The following AMELY variants were observed in gnomAD, a reference collection of about 807,000 sequenced individuals.
The protein encoded by AMELY is amelogenin Y-linked.
AMELY carries 4 observed loss-of-function variants against 4.2 expected under a neutral mutation model. That is an observed-to-expected ratio of 0.96 (90% CI 0.47 to 2.19). The LOEUF is 2.19. Ranked by LOEUF, AMELY falls within the 30% of genes most tolerant of loss-of-function variation. The pLI is 0.02. For missense variants in AMELY, 32 were observed against 41.5 expected (o/e 0.77, Z 0.63); for synonymous variants, 11 against 14.7 (o/e 0.75, Z 0.57).
chrY:6,892,499 G>T, intron 1 of AMELY, among the ~76,000 whole-genome samples: 5 of 33,284 alleles, frequency 1.5e-4, no homozygotes, highest in African/African-American at 2.4e-4. Context: ...GGTGTATGGT[G>T]TGCACTCAGG....
rs751203489 is a variant in AMELY, at chrY:6,903,895, T to C, written c.-113+7778A>G. 3.0e-4 allele frequency among the ~76,000 whole-genome samples: 10 copies of C among 33,801 alleles called. No individual in the cohort carries two copies. In the South Asian group the frequency reaches 5.5e-3, roughly 19 times the overall value. The allele number at this position is 33,801 out of a possible 37,273, so 90.7% of individuals were successfully genotyped here. On this transcript the variant is annotated intron_variant, in intron 1 of 6. Transcript: ENST00000651267. ...AATATAATCCAACTCCTACCAGTAG[T>C]TGGCTGATCACCTTGAGAAAGGAAT...
In AMELY at chrY:6,865,946, A is replaced by G; in HGVS notation, c.*127T>C. ...TTTTTAAAACATTTTATTGTCTACT[A>G]TTGGTACATTTTTAGTTACAGAATT... is the stretch of plus-strand genomic sequence containing the variant. On this transcript the variant is annotated 3_prime_UTR_variant, in exon 7 of 7. Coordinates refer to ENST00000651267, the MANE Select transcript of AMELY (RefSeq NM_001143.2). 1 of 106,587 alleles carries G rather than the reference A, an allele frequency of 9.4e-6. No homozygotes were observed. The highest frequency in any genetic ancestry group is 9.1e-5 in the African/African-American group (1 of 11,002). 26.6% of individuals were successfully genotyped at this position (106,587 alleles called of 400,897 possible).
intron 1 of AMELY, among the ~76,000 whole-genome samples, chrY:6,892,441 G>A: frequency 6.1e-5 from 2 of 32,787 alleles, no homozygotes; most frequent in Non-Finnish European, 1.5e-4. Flanking sequence ...CTAAGGAGCC[G>A]TTTCAAGATC....
intron 1 of AMELY, among the ~76,000 whole-genome samples, chrY:6,907,115 C>T: frequency 3.0e-5 from 1 of 32,834 alleles, no homozygotes; most frequent in Non-Finnish European, 7.4e-5. Flanking sequence ...TGTAACACTA[C>T]CAGTTTGGGA....
intron 5 of AMELY, 128 bp from the exon 6 acceptor site, chrY:6,868,590 A>T: frequency 6.2e-6 from 2 of 320,805 alleles, no homozygotes; most frequent in Non-Finnish European, 4.6e-6. Flanking sequence ...AAAATTTGTA[A>T]CTGTGTACAC....
chrY:6,885,344 GGA>G (rs2054079010), intron 1 of AMELY, among the ~76,000 whole-genome samples: 2 of 33,699 alleles, frequency 5.9e-5, no homozygotes, highest in African/African-American at 2.3e-4. Flanking sequence ...GCGTGGTGGT[GGA>G]CACCTGTAGT....
At chrY:6,886,387 G>C (rs1014702503) in intron 1 of AMELY, among the ~76,000 whole-genome samples, 1 of 33,897 alleles carries the variant, frequency 3.0e-5, no homozygotes, top group Non-Finnish European at 7.3e-5. Context: ...AAGGGAAATA[G>C]GATAGCTGGG....
chrY:6,883,544 C>G, intron 1 of AMELY, among the ~76,000 whole-genome samples: 1 of 32,130 alleles, frequency 3.1e-5, no homozygotes, highest in Non-Finnish European at 7.6e-5. Context: ...ACCTGTGTAG[C>G]AAATCTGCAC....
intron 3 of AMELY, among the ~76,000 whole-genome samples, chrY:6,871,787 G>A (rs2054067852): frequency 9.6e-5 from 3 of 31,151 alleles, no homozygotes; most frequent in Admixed American, 6.1e-4. Flanking sequence ...GTGAAACACC[G>A]TCTCTACTAA....
chrY:6,868,905 G>C, intron 4 of AMELY, 129 bp from the exon 5 acceptor site: 1 of 239,063 alleles, frequency 4.2e-6, no homozygotes, highest in Non-Finnish European at 7.2e-6. Flanking sequence ...CTGAGAATGT[G>C]AGTTCTACAA....
chrY:6,882,127 G>T (rs2054075326), intron 1 of AMELY, among the ~76,000 whole-genome samples: 1 of 32,603 alleles, frequency 3.1e-5, no homozygotes, highest in African/African-American at 1.2e-4. Context: ...ACTGTGCATA[G>T]CTAAGACAAT....
chrY:6,895,387 C>G, intron 1 of AMELY, among the ~76,000 whole-genome samples: 1 of 33,327 alleles, frequency 3.0e-5, no homozygotes, highest in African/African-American at 1.2e-4. Context: ...GGACTCCTTA[C>G]CCACCCCCTT....
chrY:6,868,928 G>A, intron 4 of AMELY, 152 bp from the exon 5 acceptor site: 1 of 231,046 alleles, frequency 4.3e-6, no homozygotes, highest in Non-Finnish European at 7.6e-6. Flanking sequence ...GAAAGAAGAA[G>A]GTAAAACATT....
At chrY:6,903,532 C>T in intron 1 of AMELY, among the ~76,000 whole-genome samples, 1 of 32,745 alleles carries the variant, frequency 3.1e-5, no homozygotes, top group Non-Finnish European at 7.5e-5. Flanking sequence ...AGAACTTTGC[C>T]CCAGGCCTGC....
chrY:6,882,007 G>A (rs2054075258), intron 1 of AMELY, among the ~76,000 whole-genome samples: 2 of 32,914 alleles, frequency 6.1e-5, no homozygotes, highest in Non-Finnish European at 1.5e-4. Flanking sequence ...TTGCCATACT[G>A]CCCAAAGTAA....
chrY:6,873,058 T>A, intron 2 of AMELY, among the ~76,000 whole-genome samples: 1 of 33,055 alleles, frequency 3.0e-5, no homozygotes, highest in South Asian at 6.9e-4. Flanking sequence ...GAGAAATATT[T>A]CTTATATTAT....
intron 1 of AMELY, among the ~76,000 whole-genome samples, chrY:6,892,718 TC>T (rs2054084009): frequency 3.0e-5 from 1 of 33,805 alleles, no homozygotes; most frequent in Non-Finnish European, 7.3e-5. Flanking sequence ...AATGAAATCA[TC>T]CCTCGATATA....
At chrY:6,880,761 G>A in intron 1 of AMELY, among the ~76,000 whole-genome samples, 1 of 32,956 alleles carries the variant, frequency 3.0e-5, no homozygotes, top group East Asian at 7.9e-4. Flanking sequence ...TCTTGGGAGG[G>A]TGTATGTGTC....
chrY:6,879,304 T>C, intron 1 of AMELY, among the ~76,000 whole-genome samples: 1 of 33,951 alleles, frequency 2.9e-5, no homozygotes, highest in Non-Finnish European at 7.3e-5. Context: ...TTTTCATGTG[T>C]CTTTTGGCTG....
Sources: allele counts gnomAD v4.1 joint callset (sites outside exome capture counted in the v4.1 genomes callset), GRCh38; gene constraint gnomAD v4.1.1; transcripts MANE v1.5; gene names NCBI Gene and HGNC (gene_info 2026-07-23, HGNC 2026-07-21).